BCR: variants seen among roughly 807,000 people sequenced by gnomAD.
BCR encodes the protein BCR activator of RhoGEF and GTPase.
BCR carries 58 observed loss-of-function variants against 138.6 expected under a neutral mutation model. The ratio of observed to expected loss-of-function variants is 0.42; its 90% CI spans 0.34 to 0.52. The LOEUF (loss-of-function observed/expected upper bound fraction) is 0.52. Among genes scored for constraint, BCR ranks in the 20% least tolerant of loss-of-function variants. The pLI is 0.06. For missense variants in BCR, 1,599 were observed against 1,727.2 expected (o/e 0.93, Z 1.32); for synonymous variants, 786 against 730.1 (o/e 1.08, Z -1.23).
At chr22:23,291,371 C>T (rs932554478) in intron 14 of BCR, among the ~76,000 whole-genome samples, 2 of 151,842 alleles carry the variant, frequency 1.3e-5, no homozygotes, top group African/African-American at 2.4e-5. Flanking sequence ...GTGCTGTTTG[C>T]GCTCACATTT....
chr22:23,311,550 G>C, intron 18 of BCR, 147 bp from the exon 19 acceptor site: 1 of 613,962 alleles, frequency 1.6e-6, no homozygotes, highest in Non-Finnish European at 2.9e-6. Flanking sequence ...GGACAGGCAT[G>C]CAGAAGGCTC....
At chr22:23,274,532 G>A (rs967048106) in intron 8 of BCR, among the ~76,000 whole-genome samples, 2 of 152,188 alleles carry the variant, frequency 1.3e-5, no homozygotes, top group African/African-American at 4.8e-5. Context: ...CTGACCCCCG[G>A]CCTCAGGGGT....
intron 1 of BCR, among the ~76,000 whole-genome samples, chr22:23,225,933 T>C (rs972191672): frequency 4.6e-5 from 7 of 152,250 alleles, no homozygotes; most frequent in African/African-American, 1.7e-4. Context: ...CTGTTTGATT[T>C]CTTAAGGCTG....
chr22:23,271,159 C>A (rs1201600995), intron 5 of BCR, among the ~76,000 whole-genome samples: 2 of 152,214 alleles, frequency 1.3e-5, no homozygotes, highest in Non-Finnish European at 2.9e-5. Flanking sequence ...GGACACTTGG[C>A]AATGCCTGGA....
rs1295699161 is a variant in BCR, at chr22:23,268,393, C to T, written c.1753-15C>T. Reference sequence around the variant, plus strand: ...GCAGCACCTGTCCCACTCTCTCTTCCTTCCTCCCCCTCAGGCCAGCCAGCT... The same window carrying T: ...GCAGCACCTGTCCCACTCTCTCTTCTTTCCTCCCCCTCAGGCCAGCCAGCT... On this transcript the variant is annotated splice_polypyrimidine_tract_variant and intron_variant, in intron 4 of 22. Coordinates refer to ENST00000305877, the MANE Select transcript of BCR (RefSeq NM_004327.4). 1.3e-6 allele frequency: 2 copies of T among 1,597,526 alleles called. No homozygotes were observed. The highest frequency in any genetic ancestry group is 1.3e-5 in the African/African-American group (1 of 74,570).
chr22:23,301,132 C>T (rs903691472), intron 16 of BCR, among the ~76,000 whole-genome samples: 2 of 152,220 alleles, frequency 1.3e-5, no homozygotes, highest in Admixed American at 6.5e-5. Flanking sequence ...GGTGAAACCC[C>T]GTCTCTACTA....
intron 1 of BCR, among the ~76,000 whole-genome samples, chr22:23,242,511 A>G (rs956810334): frequency 6.6e-6 from 1 of 152,008 alleles, no homozygotes; most frequent in Admixed American, 6.5e-5. Flanking sequence ...CACGTCCTTC[A>G]CTCTTTCCCA....
intron 13 of BCR, chr22:23,290,027 A>T (rs1489465672): frequency 3.8e-6 from 2 of 521,330 alleles, no homozygotes; most frequent in Non-Finnish European, 7.0e-6. Context: ...CACACAGCAT[A>T]CGCTATGCAC....
intron 1 of BCR, among the ~76,000 whole-genome samples, chr22:23,250,363 A>G (rs541392816): frequency 6.6e-6 from 1 of 152,306 alleles, no homozygotes; most frequent in African/African-American, 2.4e-5. Flanking sequence ...AGCTGGTCTA[A>G]CCCACCTTAT....
chr22:23,273,995 C>T (rs1183235150), intron 8 of BCR, among the ~76,000 whole-genome samples: 2 of 152,202 alleles, frequency 1.3e-5, no homozygotes, highest in African/African-American at 4.8e-5. Context: ...CAGCCATCAC[C>T]ATGCCTCACT....
At chr22:23,299,326 G>A (rs912617210) in intron 16 of BCR, among the ~76,000 whole-genome samples, 2 of 152,138 alleles carry the variant, frequency 1.3e-5, no homozygotes, top group African/African-American at 4.8e-5. Flanking sequence ...TCCTATGGGC[G>A]CCTCTGCCAC....
intron 16 of BCR, among the ~76,000 whole-genome samples, chr22:23,297,094 A>G (rs888304546): frequency 2.6e-5 from 4 of 152,014 alleles, no homozygotes; most frequent in Admixed American, 6.6e-5. Flanking sequence ...CTGGCGTGCA[A>G]TGGCAGGATC....
chr22:23,181,657 G>C lies in BCR; in HGVS notation c.697G>C (p.Gly233Arg). The change falls in exon 1 of 23, where the codon GGA becomes CGA. Residue 233 changes from glycine (G) to arginine (R), a missense_variant. Coordinates refer to ENST00000305877, the MANE Select transcript of BCR (RefSeq NM_004327.4). Reference sequence around the variant, plus strand: ...GGATGCATCCAGGCCCCCTTACCGGGGACGCTCCTCGGAGAGCAGCTGCGG... The same window carrying C: ...GGATGCATCCAGGCCCCCTTACCGGCGACGCTCCTCGGAGAGCAGCTGCGG... Reference protein sequence around the residue: ...VGDASRPPYRGRSSESSCGVD... With the variant: ...VGDASRPPYRRRSSESSCGVD... 6.2e-7 allele frequency: 1 copy of C among 1,608,444 alleles called. No homozygotes were observed. Among genetic ancestry groups the C allele is most frequent in the Non-Finnish European group, 8.5e-7 (1 of 1,179,864 alleles).
chr22:23,197,083 C>T (rs1569240989), intron 1 of BCR, among the ~76,000 whole-genome samples: 4 of 152,198 alleles, frequency 2.6e-5, no homozygotes, highest in African/African-American at 7.2e-5. Context: ...CACCACATAA[C>T]GACATTTTGG....
At chr22:23,223,888 G>A (rs2072858685) in intron 1 of BCR, among the ~76,000 whole-genome samples, 1 of 152,110 alleles carries the variant, frequency 6.6e-6, no homozygotes, top group African/African-American at 2.4e-5. Flanking sequence ...AATGATTCCT[G>A]GCCAAAGCCC....
chr22:23,268,359 G>A (rs774025603), intron 4 of BCR, 49 bp from the exon 5 acceptor site: 6 of 1,451,514 alleles, frequency 4.1e-6, no homozygotes, highest in South Asian at 3.7e-5. Context: ...TCAGAAAGAT[G>A]GGGGAGCAGC....
intron 5 of BCR, among the ~76,000 whole-genome samples, chr22:23,271,061 G>A (rs948240069): frequency 6.6e-5 from 10 of 152,230 alleles, no homozygotes; most frequent in Non-Finnish European, 1.2e-4. Context: ...AAACAGTGAC[G>A]TGTGTTTAGG....
chr22:23,223,083 T>A (rs1176795282), intron 1 of BCR, among the ~76,000 whole-genome samples: 3 of 152,152 alleles, frequency 2.0e-5, no homozygotes, highest in African/African-American at 7.2e-5. Context: ...TTCATGAGGG[T>A]TCCACCCTTA....
rs567906834 is a variant in BCR, at chr22:23,208,910, T to C, written c.1279+26671T>C. On this transcript the variant is annotated intron_variant, in intron 1 of 22. Coordinates refer to ENST00000305877, the MANE Select transcript of BCR (RefSeq NM_004327.4). ...TTAAATATAGGCTTTCCATTTCCCC[T>C]CCCCGCGGCAACCACTGTTCTACTT... 4.1e-4 allele frequency among the ~76,000 whole-genome samples: 63 copies of C among 152,076 alleles called. No homozygotes were observed. The South Asian group carries it at 6.7e-3, about 16-fold the overall frequency.
Sources: gnomAD v4.1 joint callset for allele counts (sites outside exome capture counted in the v4.1 genomes callset) on GRCh38, gnomAD v4.1.1 for gene constraint, MANE v1.5 for transcripts, NCBI Gene and HGNC (gene_info 2026-07-23, HGNC 2026-07-21) for gene names.